IHO1: variants seen among roughly 807,000 people sequenced by gnomAD.
IHO1 encodes interactor of HORMAD1 1.
In IHO1, 13 loss-of-function variants were observed where a neutral mutation model predicts 31.0. That is an observed-to-expected ratio of 0.42 (90% CI 0.27 to 0.67). The LOEUF (loss-of-function observed/expected upper bound fraction) is 0.67. Among genes scored for constraint, IHO1 ranks in the 30% least tolerant of loss-of-function variants. The pLI, the probability that IHO1 is intolerant of heterozygous loss-of-function variation, is 0.24. For missense variants in IHO1, 599 were observed against 687.5 expected (o/e 0.87, Z 1.44); for synonymous variants, 221 against 248.4 (o/e 0.89, Z 1.04).
chr3:49,250,755 G>A (rs1297340785), intron 6 of IHO1, among the ~76,000 whole-genome samples: 7 of 152,148 alleles, frequency 4.6e-5, no homozygotes, highest in East Asian at 1.9e-4. Flanking sequence ...CTTTGGGCCA[G>A]ACACAGCAGC....
At chr3:49,239,092 C>A (rs1443275627) in intron 3 of IHO1, among the ~76,000 whole-genome samples, 1 of 152,150 alleles carries the variant, frequency 6.6e-6, no homozygotes, top group Non-Finnish European at 1.5e-5. Context: ...ATGCCTCAGC[C>A]TCCTGAGTGG....
upstream of IHO1, among the ~76,000 whole-genome samples, chr3:49,194,732 C>CA (rs2045988088): frequency 6.8e-6 from 1 of 147,854 alleles, no homozygotes; most frequent in Non-Finnish European, 1.5e-5. Context: ...CCCATCACTA[C>CA]AAAAAATACA....
intron 3 of IHO1, among the ~76,000 whole-genome samples, chr3:49,240,797 C>G (rs1430498319): frequency 6.6e-6 from 1 of 152,186 alleles, no homozygotes; most frequent in African/African-American, 2.4e-5. Flanking sequence ...AAGTGGCTCA[C>G]CATTTGTCAG....
chr3:49,216,827 G>A (rs2046292345), intron 2 of IHO1, among the ~76,000 whole-genome samples: 1 of 152,164 alleles, frequency 6.6e-6, no homozygotes. Flanking sequence ...AGTGGGCAAA[G>A]AATATGAACA....
chr3:49,232,363 A>C (rs1405426990), intron 2 of IHO1, among the ~76,000 whole-genome samples: 2 of 152,234 alleles, frequency 1.3e-5, no homozygotes, highest in Non-Finnish European at 2.9e-5. Flanking sequence ...TAAAGGCCAG[A>C]TGCTATCAGC....
intron 2 of IHO1, among the ~76,000 whole-genome samples, chr3:49,220,259 A>G (rs2046337928): frequency 6.6e-6 from 1 of 152,224 alleles, no homozygotes; most frequent in Non-Finnish European, 1.5e-5. Flanking sequence ...GCCCTGTTCC[A>G]AACTGGGGCA....
intron 1 of IHO1, among the ~76,000 whole-genome samples, chr3:49,205,421 C>T (rs1271761280): frequency 1.3e-5 from 2 of 150,888 alleles, no homozygotes; most frequent in African/African-American, 2.4e-5. Flanking sequence ...TGGTTTCAAG[C>T]GATTCTCCTA....
rs774998865 is a variant in IHO1 at position 49,256,824 on chromosome 3, C to T, written c.1327C>T (p.Gln443Ter). The stretch of plus-strand genomic sequence containing the variant: ...AGAAATGCGGGGGAAAGACAAGAAG[C>T]AGCAGCCCAGGAAGGCCCACAGGGC... ...TVEMRGKDKKQQPRKAHRAHR... is the reference protein window; with the variant it reads ...TVEMRGKDKK Residue 443 changes from glutamine to a stop codon, truncating the protein, a stop_gained, in exon 8 of 8, where the codon CAG becomes TAG. Coordinates refer to ENST00000452691, the MANE Select transcript of IHO1 (RefSeq NM_001135197.2). LOFTEE classifies it low-confidence loss of function (END_TRUNC). The surrounding 1 kb of genome is among the most constrained non-coding windows in gnomAD (Gnocchi z 4.6). 1.2e-6 allele frequency: 2 copies of T among 1,614,120 alleles called. No homozygotes were observed. Among genetic ancestry groups the T allele is most frequent in the Non-Finnish European group, 1.7e-6 (2 of 1,179,936 alleles).
intron 2 of IHO1, chr3:49,213,987 A>G: frequency 2.4e-6 from 1 of 416,466 alleles, no homozygotes; most frequent in South Asian, 1.7e-5. Context: ...GCATGCTGTC[A>G]CCTCTCAGAG....
intron 2 of IHO1, among the ~76,000 whole-genome samples, chr3:49,220,204 CT>C (rs2046337154): frequency 6.6e-6 from 1 of 152,210 alleles, no homozygotes; most frequent in Non-Finnish European, 1.5e-5. Context: ...ACATTTGAGC[CT>C]TTTCCTTTTA....
intron 1 of IHO1, chr3:49,200,578 A>G (rs1247773349): frequency 1.0e-6 from 1 of 984,812 alleles, no homozygotes; most frequent in Non-Finnish European, 1.2e-6. Context: ...GTCCATGCCA[A>G]TCGGGGCGGT....
chr3:49,201,372 C>A (rs1193021545), intron 1 of IHO1, among the ~76,000 whole-genome samples: 1 of 151,944 alleles, frequency 6.6e-6, no homozygotes, highest in Non-Finnish European at 1.5e-5. Flanking sequence ...CTTTGGGAGG[C>A]CAAGGCGGGT....
chr3:49,212,422 A>T (rs1370253241), intron 2 of IHO1, among the ~76,000 whole-genome samples: 1 of 151,018 alleles, frequency 6.6e-6, no homozygotes, highest in Non-Finnish European at 1.5e-5. Context: ...AGGCTGAGGC[A>T]GGAGAACTGC....
At chr3:49,211,915 C>G (rs1002393574) in intron 2 of IHO1, 79 bp downstream of exon 2, 12 of 838,606 alleles carry the variant, frequency 1.4e-5, no homozygotes, top group Non-Finnish European at 2.0e-5. Flanking sequence ...GTAATCCCAG[C>G]ACTTTGGGAG....
Position 49,236,717 on chromosome 3 carries a change from C to G in IHO1, c.226C>G (p.Leu76Val), listed in dbSNP as rs2046564287. 6.2e-7 allele frequency: 1 copy of G among 1,609,864 alleles called. No homozygotes were observed. The highest frequency in any genetic ancestry group is 1.3e-5 in the African/African-American group (1 of 74,636). ...TTCAAAACAGTCACAACAGAACTAT[C>G]TGGAGGTGAGTCTGGTTTCCAGAAT... Reference protein sequence around the residue: ...RHSKQSQQNYLEGEPSIFTKY... With the variant: ...RHSKQSQQNYVEGEPSIFTKY... Residue 76 changes from leucine to valine, a missense_variant, in exon 3 of 8, where the codon CTG becomes GTG. By Grantham distance (32) the Leu-to-Val change is conservative. Transcript: ENST00000452691.
chr3:49,234,282 C>T (rs1490453375), intron 2 of IHO1, among the ~76,000 whole-genome samples: 3 of 149,036 alleles, frequency 2.0e-5, no homozygotes, highest in African/African-American at 4.9e-5. Flanking sequence ...AAGTGATTCT[C>T]CTGCCTCAGC....
At chr3:49,226,224 C>G (rs532671940) in intron 2 of IHO1, among the ~76,000 whole-genome samples, 1 of 151,892 alleles carries the variant, frequency 6.6e-6, no homozygotes, top group African/African-American at 2.4e-5. Context: ...TGGGCCTGTT[C>G]CTCTTGGTCC....
intron 2 of IHO1, among the ~76,000 whole-genome samples, chr3:49,219,207 C>T (rs2046323082): frequency 6.6e-6 from 1 of 152,176 alleles, no homozygotes; most frequent in Non-Finnish European, 1.5e-5. Flanking sequence ...AAAATCTCCA[C>T]AGCAGTGTGA....
At chr3:49,200,598 C>G (rs2046057981) in intron 1 of IHO1, 1 of 984,022 alleles carries the variant, frequency 1.0e-6, no homozygotes, top group Non-Finnish European at 1.2e-6. Flanking sequence ...TCCTCTCCCC[C>G]TCACGTGTTC....
Sources: gnomAD v4.1 joint callset for allele counts (sites outside exome capture counted in the v4.1 genomes callset) on GRCh38, gnomAD v4.1.1 for gene constraint, Gnocchi (gnomAD v3.1) non-coding constraint, MANE v1.5 for transcripts, NCBI Gene and HGNC (gene_info 2026-07-23, HGNC 2026-07-21) for gene names.